ABLIM3: variants seen among roughly 807,000 people sequenced by gnomAD.
ABLIM3 encodes actin-binding LIM protein 3.
Under a neutral mutation model 109.5 loss-of-function variants are expected in ABLIM3, and 61 were observed. The observed-to-expected ratio is 0.56, with a 90% CI of 0.45 to 0.69. The LOEUF is 0.69. ABLIM3 is among the 30% of genes least tolerant of loss of function. The probability of loss-of-function intolerance (pLI) is 0.00; values close to 1 mark genes in which losing one functional copy is unlikely to be tolerated. For synonymous variants in ABLIM3, 300 were observed against 324.8 expected (o/e 0.92, Z 0.82); for missense variants, 796 against 889.5 (o/e 0.89, Z 1.34).
At chr5:149,220,258 C>T (rs932870580) in intron 8 of ABLIM3, 6 of 152,216 alleles carry the variant, frequency 3.9e-5, no homozygotes, top group African/African-American at 1.4e-4. Context: ...TGCTTTCATT[C>T]TTCCAACTTC....
rs1044777785 is a variant in ABLIM3, at chr5:149,237,088, T to C, written c.889-360T>C. Among the ~76,000 whole-genome samples the C allele has an allele frequency of 2.6e-5, 4 of 152,328 alleles. No individual in the cohort carries two copies. In the East Asian group the frequency reaches 7.7e-4, roughly 29 times the overall value. On this transcript the variant is annotated intron_variant, in intron 10 of 23. Transcript: ENST00000309868. ...CTGTGTAGTTCAGGCTGAATTCAAATCTATTAGCTTAGTGGTGCAAACTGT... is the reference window on the plus strand; with the variant it reads ...CTGTGTAGTTCAGGCTGAATTCAAACCTATTAGCTTAGTGGTGCAAACTGT...
intron 15 of ABLIM3, 44 bp downstream of exon 15, chr5:149,242,582 G>A (rs778229786): frequency 1.9e-6 from 3 of 1,608,170 alleles, no homozygotes; most frequent in Admixed American, 1.7e-5. Flanking sequence ...AAGGAGAGGG[G>A]GGAGGTTAAC....
chr5:149,232,635 C>T (rs1304810310), intron 9 of ABLIM3, among the ~76,000 whole-genome samples: 1 of 152,236 alleles, frequency 6.6e-6, no homozygotes, highest in Non-Finnish European at 1.5e-5. Context: ...CCACATACTT[C>T]ACCTGTGGGT....
Position 149,207,582 on chromosome 5 carries a change from GA to G in ABLIM3, c.575+450del, listed in dbSNP as rs1234398550. 4.6e-5 allele frequency among the ~76,000 whole-genome samples: 7 copies of G among 152,304 alleles called. No individual in the cohort carries two copies. In the East Asian group the frequency reaches 1.2e-3, roughly 25 times the overall value. Reference sequence around the variant, plus strand: ...GTAGAAGGAACTCACTACTTTGTATGAAGTATCACTTTAAATCCTCATAACT... The same window carrying G: ...GTAGAAGGAACTCACTACTTTGTATGAGTATCACTTTAAATCCTCATAACT... On this transcript the variant is annotated intron_variant, in intron 6 of 23. Coordinates refer to ENST00000309868, the MANE Select transcript of ABLIM3 (RefSeq NM_014945.5).
At chr5:149,145,652 CTGT>C (rs1752837795) in intron 2 of ABLIM3, among the ~76,000 whole-genome samples, 1 of 152,184 alleles carries the variant, frequency 6.6e-6, no homozygotes, top group Non-Finnish European at 1.5e-5. Flanking sequence ...TTGCCAGCAT[CTGT>C]TGTTTTTTGA....
At chr5:149,219,035 G>A (rs546605324) in intron 8 of ABLIM3, 1 of 152,300 alleles carries the variant, frequency 6.6e-6, no homozygotes, top group South Asian at 2.1e-4. Flanking sequence ...TACAGGGAGT[G>A]TGTCAGTATC....
chr5:149,149,203 C>G (rs1466400019), intron 2 of ABLIM3, among the ~76,000 whole-genome samples: 1 of 152,218 alleles, frequency 6.6e-6, no homozygotes, highest in African/African-American at 2.4e-5. Flanking sequence ...CATGTACTCT[C>G]TCTGTGGTCT....
In ABLIM3 at chr5:149,230,631, A is replaced by G. The variant is rs1761760118; in HGVS notation, c.758-18A>G. On this transcript the variant is annotated intron_variant, in intron 8 of 23. Transcript: ENST00000309868. The stretch of plus-strand genomic sequence containing the variant: ...GGTTTGAAAGGTCTGAGTCTTCGTT[A>G]TTTTCATGACCCCTTAGGTTCCGAG... 1 of 1,613,710 alleles carries G rather than the reference A, an allele frequency of 6.2e-7. No individual in the cohort carries two copies. The highest frequency in any genetic ancestry group is 1.3e-5 in the African/African-American group (1 of 74,870).
At chr5:149,160,599 C>G (rs1754265707) in intron 2 of ABLIM3, among the ~76,000 whole-genome samples, 1 of 152,154 alleles carries the variant, frequency 6.6e-6, no homozygotes, top group Admixed American at 6.5e-5. Context: ...GCCAGGTCTT[C>G]CCTAGGGCAT....
At chr5:149,201,979 T>C (rs1758535450) in intron 5 of ABLIM3, among the ~76,000 whole-genome samples, 1 of 152,250 alleles carries the variant, frequency 6.6e-6, no homozygotes. Flanking sequence ...AAAGCAAATG[T>C]ATTAGTTCAG....
At chr5:149,245,520 C>G (rs941550222) in intron 16 of ABLIM3, among the ~76,000 whole-genome samples, 1 of 151,522 alleles carries the variant, frequency 6.6e-6, no homozygotes, top group Admixed American at 6.8e-5. Context: ...GGGAGGAGGT[C>G]CCCCAGGGTT....
chr5:149,252,241 A>C (rs773792614), intron 22 of ABLIM3, 33 bp downstream of exon 22: 5 of 1,609,646 alleles, frequency 3.1e-6, no homozygotes, highest in Non-Finnish European at 3.4e-6. Flanking sequence ...GGGGGTCTCC[A>C]GGATTCTTGG....
At chr5:149,168,014 C>A (rs1437804418) in intron 2 of ABLIM3, among the ~76,000 whole-genome samples, 2 of 152,150 alleles carry the variant, frequency 1.3e-5, no homozygotes, top group African/African-American at 4.8e-5. Flanking sequence ...GAATGTTTAG[C>A]AGCCTCCCCA....
intron 22 of ABLIM3, 138 bp from the exon 23 acceptor site, chr5:149,252,619 G>T: frequency 2.9e-6 from 2 of 700,710 alleles, no homozygotes; most frequent in East Asian, 5.0e-5. Context: ...ACCCCAAGAA[G>T]GGCAGATCCA....
chr5:149,189,400 T>C (rs1162222243), intron 3 of ABLIM3, among the ~76,000 whole-genome samples: 1 of 152,138 alleles, frequency 6.6e-6, no homozygotes. Context: ...AAATACACCA[T>C]CAAGAATGTG....
intron 3 of ABLIM3, among the ~76,000 whole-genome samples, chr5:149,189,622 C>T (rs2127483989): frequency 6.6e-6 from 1 of 152,242 alleles, no homozygotes. Context: ...ACATCATTAG[C>T]CATCAAAGAA....
At chr5:149,216,854 A>G in intron 7 of ABLIM3, 105 bp from the exon 8 acceptor site, 6 of 1,000,962 alleles carry the variant, frequency 6.0e-6, no homozygotes. Flanking sequence ...AGGGCCATGA[A>G]GATGCAAACA....
chr5:149,240,758 G>A lies in ABLIM3; in HGVS notation c.1287G>A (p.Lys429=), dbSNP rs572736331. The change falls in exon 14 of 24, where the codon AAG becomes AAA. Residue 429 remains lysine (K), a synonymous_variant. Transcript: ENST00000309868. The stretch of plus-strand genomic sequence containing the variant: ...CTCCAACCTCTTACCAGGCTCCCAA[G>A]CACTTTCACATCCCAGGTAGGCACT... ...SSTPTSYQAP[K]HFHIPAGDSN... is the part of the protein sequence containing the mutation. 2 of 1,614,096 alleles carry A rather than the reference G, an allele frequency of 1.2e-6. No homozygotes were observed. Among genetic ancestry groups the A allele is most frequent in the Admixed American group, 3.3e-5 (2 of 60,024 alleles).
At chr5:149,178,498 C>G (rs4291002) in intron 2 of ABLIM3, among the ~76,000 whole-genome samples, 63,421 of 151,982 alleles carry the variant, frequency 0.42, 13,759 homozygotes, top group East Asian at 0.68. Context: ...AGTCAGTTTT[C>G]CCACTCTTTT....
Sources: gnomAD v4.1 joint callset for allele counts (sites outside exome capture counted in the v4.1 genomes callset) on GRCh38, gnomAD v4.1.1 for gene constraint, MANE v1.5 for transcripts, NCBI Gene and HGNC (gene_info 2026-07-23, HGNC 2026-07-21) for gene names.